Variants in SCIMP observed in about 807,000 individuals in gnomAD.
SCIMP encodes the protein SLP adaptor and CSK interacting membrane protein.
Under a neutral mutation model 22.0 loss-of-function variants are expected in SCIMP, and 18 were observed. The ratio of observed to expected loss-of-function variants is 0.82; its 90% CI spans 0.56 to 1.21. SCIMP has a LOEUF of 1.21. Among genes scored for constraint, SCIMP ranks in the 50% most tolerant of loss-of-function variants. SCIMP has a pLI of 0.00. For synonymous variants in SCIMP, 53 were observed against 62.2 expected, an observed-to-expected ratio of 0.85 and a Z score of 0.70; for missense variants, 155 against 171.2, an observed-to-expected ratio of 0.91 and a Z score of 0.53.
chr17:5,219,825 T>C (rs1231404383), intron 3 of SCIMP, among the ~76,000 whole-genome samples: 1 of 152,174 alleles, frequency 6.6e-6, no homozygotes, highest in East Asian at 1.9e-4. Flanking sequence ...AGAAAAACTC[T>C]GTACTCCAAG....
intron 1 of SCIMP, 153 bp from the exon 2 acceptor site, chr17:5,223,609 C>A: frequency 1.5e-6 from 1 of 653,878 alleles, no homozygotes; most frequent in South Asian, 1.6e-5. Flanking sequence ...ATGACGTGAT[C>A]TCAGCTCTCA....
At chr17:5,218,157 C>G (rs994348352) in intron 3 of SCIMP, among the ~76,000 whole-genome samples, 2 of 151,860 alleles carry the variant, frequency 1.3e-5, no homozygotes, top group Non-Finnish European at 2.9e-5. Context: ...TCCCAAGTAG[C>G]TGGGACTACA....
At chr17:5,214,768 A>T (rs2074552147) in intron 4 of SCIMP, 157 bp downstream of exon 4, 5 of 533,246 alleles carry the variant, frequency 9.4e-6, no homozygotes, top group African/African-American at 2.1e-5. Context: ...TGAACCCGGG[A>T]GGCGGAGCTT....
rs528961051 is a variant in SCIMP, at chr17:5,218,420, A to C, written c.209+2867T>G. Among the ~76,000 whole-genome samples the C allele has an allele frequency of 5.4e-5, 8 of 149,216 alleles. No homozygotes were observed. The East Asian group carries it at 1.6e-3, about 30-fold the overall frequency. On this transcript the variant is annotated intron_variant, in intron 3 of 4. Transcript: ENST00000574081. ...AGTGGCACGATCTTGGATCACTGCA[A>C]CCTCCACCTCCTGGGTTCAAGCAAT...
intron 1 of SCIMP, among the ~76,000 whole-genome samples, chr17:5,228,505 C>T (rs115581179): frequency 0.04 from 6,062 of 151,918 alleles, 403 homozygotes; most frequent in African/African-American, 0.14. Context: ...ATTTGCCAGG[C>T]AAGGTGGTGC....
chr17:5,214,774 A>G (rs554330535), intron 4 of SCIMP, 151 bp downstream of exon 4: 347 of 550,278 alleles, frequency 6.3e-4, no homozygotes, highest in Admixed American at 9.4e-4. Flanking sequence ...CGGGAGGCGG[A>G]GCTTGCAGTG....
At position 5,221,255 on chromosome 17, in the gene SCIMP, A is replaced by C. The variant is rs750748726; in HGVS notation, c.209+32T>G. 2.6e-6 allele frequency: 4 copies of C among 1,528,532 alleles called. No homozygotes were observed. The South Asian group carries it at 4.5e-5, about 17-fold the overall frequency. The allele number at this position is 1,528,532 out of a possible 1,614,324, so 94.7% of individuals were successfully genotyped here. On this transcript the variant is annotated intron_variant, in intron 3 of 4. Coordinates refer to ENST00000574081, the MANE Select transcript of SCIMP (RefSeq NM_207103.3). ...TGGAAGGGAACAGGCAGTTCTCAAC[A>C]GTAAAAAGCGGAAGGATTCCCCCCT...
At chr17:5,222,535 C>G (rs1327505512) in intron 2 of SCIMP, among the ~76,000 whole-genome samples, 1 of 152,184 alleles carries the variant, frequency 6.6e-6, no homozygotes, top group African/African-American at 2.4e-5. Flanking sequence ...TTATTTATGT[C>G]TGAGGGTGCC....
chr17:5,234,632 G>C lies in SCIMP; in HGVS notation c.21+103C>G, dbSNP rs113684521. ...CCCCAGGCTGCAATCCCCTGGCCCAGTGCTGATCGGTGGCTCCCAGGGACA... is the reference window on the plus strand; with the variant it reads ...CCCCAGGCTGCAATCCCCTGGCCCACTGCTGATCGGTGGCTCCCAGGGACA... On this transcript the variant is annotated intron_variant, in intron 1 of 4. Transcript: ENST00000574081. 35 of 1,240,484 alleles carry C rather than the reference G, an allele frequency of 2.8e-5. No homozygotes were observed. In the African/African-American group the frequency reaches 3.2e-4, roughly 11 times the overall value. 76.8% of individuals were successfully genotyped at this position (1,240,484 alleles called of 1,614,324 possible). A position where few individuals can be genotyped will look rare whatever the true frequency, so the allele number is the denominator to read the frequency against.
At chr17:5,223,569 G>A in intron 1 of SCIMP, 113 bp from the exon 2 acceptor site, 1 of 1,022,560 alleles carries the variant, frequency 9.8e-7, no homozygotes, top group Non-Finnish European at 1.5e-6. Flanking sequence ...CTGAGTCGGA[G>A]TCTCACTCTG....
chr17:5,214,468 A>G (rs1180192380), intron 4 of SCIMP: 1 of 154,308 alleles, frequency 6.5e-6, no homozygotes, highest in African/African-American at 2.4e-5. Context: ...AGGTGGGAGA[A>G]TGGTGTGAAC....
intron 3 of SCIMP, chr17:5,215,300 A>G (rs868295267): frequency 2.9e-5 from 8 of 272,100 alleles, no homozygotes; most frequent in Admixed American, 5.0e-5. Flanking sequence ...AGAGGTAGGC[A>G]CCAGATGTAT....
At chr17:5,217,453 G>C (rs1398648212) in intron 3 of SCIMP, among the ~76,000 whole-genome samples, 1 of 151,610 alleles carries the variant, frequency 6.6e-6, no homozygotes, top group Non-Finnish European at 1.5e-5. Context: ...GGGTACATGT[G>C]CACAACGTGC....
At chr17:5,229,143 C>G (rs1167915452) in intron 1 of SCIMP, among the ~76,000 whole-genome samples, 3 of 152,128 alleles carry the variant, frequency 2.0e-5, no homozygotes, top group Non-Finnish European at 4.4e-5. Context: ...CTCCCCATTC[C>G]TCTAGTTGTC....
At position 5,234,843 on chromosome 17, in the gene SCIMP, C is replaced by A; in HGVS notation, c.-88G>T. The A allele has an allele frequency of 6.4e-7, 1 of 1,558,268 alleles. No individual in the cohort carries two copies. The highest frequency in any genetic ancestry group is 1.4e-5 in the African/African-American group (1 of 73,996). ...GGCATTCCTCACTCACAGGCCTTCACCCACTGCTAGAGACAGTGAGCCCCA... is the reference window on the plus strand; with the variant it reads ...GGCATTCCTCACTCACAGGCCTTCAACCACTGCTAGAGACAGTGAGCCCCA... On this transcript the variant is annotated 5_prime_UTR_variant, in exon 1 of 5. Coordinates refer to ENST00000574081, the MANE Select transcript of SCIMP (RefSeq NM_207103.3).
chr17:5,230,699 T>C (rs2074687073), intron 1 of SCIMP, among the ~76,000 whole-genome samples: 1 of 151,932 alleles, frequency 6.6e-6, no homozygotes, highest in Non-Finnish European at 1.5e-5. Context: ...GGCTGGAGGA[T>C]CACTTGAGCC....
chr17:5,220,830 G>C, intron 3 of SCIMP: 2 of 251,938 alleles, frequency 7.9e-6, no homozygotes, highest in South Asian at 8.4e-5. Context: ...AGCCAAGGTG[G>C]GTGGATCACC....
intron 1 of SCIMP, among the ~76,000 whole-genome samples, chr17:5,234,183 A>G (rs1168064253): frequency 1.3e-5 from 2 of 152,168 alleles, no homozygotes; most frequent in Non-Finnish European, 2.9e-5. Flanking sequence ...AGGCAGGAGA[A>G]TCGCTTGAAC....
rs539019402 is a variant in SCIMP at position 5,209,689 on chromosome 17, G to C, written c.*1112C>G. ...GTCCTAGGGCTCTGGCGATCAGCTA[G>C]AAGGAATTGATGAGGTCTAAGAGCC... On this transcript the variant is annotated 3_prime_UTR_variant, in exon 5 of 5. Transcript: ENST00000574081. 3 of 152,304 alleles carry C rather than the reference G, an allele frequency of 2.0e-5. No individual in the cohort carries two copies. In the South Asian group the frequency reaches 6.2e-4, roughly 32 times the overall value. 9.4% of individuals were successfully genotyped at this position (152,304 alleles called of 1,614,324 possible).
Sources: allele counts gnomAD v4.1 joint callset (sites outside exome capture counted in the v4.1 genomes callset), GRCh38; gene constraint gnomAD v4.1.1; transcripts MANE v1.5; gene names NCBI Gene and HGNC (gene_info 2026-07-23, HGNC 2026-07-21).